Variants in QTGAL observed in about 807,000 individuals in gnomAD.
QTGAL encodes the protein queuosine-tRNA galactosyltransferase.
chr17:82,970,595 C>CATGGTGTGGCTGTGA, the QTGAL span, among the ~76,000 whole-genome samples: 1 of 135,748 alleles, frequency 7.4e-6, no homozygotes, highest in African/African-American at 3.4e-5. Flanking sequence ...GACCTCCGCA[C>CATGGTGTGGCTGTGA]CCGGCGTGGC....
At chr17:82,963,471 C>A in the QTGAL span, among the ~76,000 whole-genome samples, 1 of 152,148 alleles carries the variant, frequency 6.6e-6, no homozygotes, top group African/African-American at 2.4e-5. Context: ...AAACTGGCAA[C>A]ACTTCCATGG....
At chr17:82,962,369 T>G in the QTGAL span, among the ~76,000 whole-genome samples, 1 of 152,234 alleles carries the variant, frequency 6.6e-6, no homozygotes, top group Non-Finnish European at 1.5e-5. Flanking sequence ...CTCAAAATCA[T>G]GTGTCAGCCC....
the QTGAL span, among the ~76,000 whole-genome samples, chr17:82,973,179 G>T: frequency 1.3e-5 from 2 of 151,764 alleles, no homozygotes; most frequent in Non-Finnish European, 2.9e-5. Flanking sequence ...GAGACCAAAG[G>T]AACCGAAAGG....
chr17:83,049,412 G>GTT, the QTGAL span, among the ~76,000 whole-genome samples: 65 of 136,812 alleles, frequency 4.8e-4, 1 homozygote, highest in East Asian at 2.6e-3. Flanking sequence ...TAACTGGTTG[G>GTT]TTTTTTTTTT....
At chr17:83,019,436 T>A in the QTGAL span, among the ~76,000 whole-genome samples, 3,919 of 152,316 alleles carry the variant, frequency 0.026, 175 homozygotes, top group African/African-American at 0.089. Flanking sequence ...ATATAAGACA[T>A]GAGCAAGTCA....
the QTGAL span, chr17:83,006,308 T>A: frequency 1.0e-6 from 1 of 985,532 alleles, no homozygotes; most frequent in Non-Finnish European, 1.2e-6. This position sits in a 1 kb window ranked among gnomAD's most constrained non-coding sequence, Gnocchi z 5.8. Context: ...AGTGAGTGAT[T>A]CTTTTCTACC....
the QTGAL span, among the ~76,000 whole-genome samples, chr17:83,049,561 G>A: frequency 4.6e-5 from 7 of 151,636 alleles, no homozygotes; most frequent in African/African-American, 1.7e-4. Context: ...TACAGGTGCT[G>A]GCTGGTCATG....
the QTGAL span, among the ~76,000 whole-genome samples, chr17:83,012,848 T>C: frequency 6.6e-6 from 1 of 151,980 alleles, no homozygotes; most frequent in Admixed American, 6.6e-5. Flanking sequence ...ACTCTCTGTT[T>C]CCACATGACT....
chr17:83,008,688 A>G, the QTGAL span, among the ~76,000 whole-genome samples: 1 of 152,158 alleles, frequency 6.6e-6, no homozygotes, highest in African/African-American at 2.4e-5. Flanking sequence ...TCTCCTGGAC[A>G]CTTGTTCTTG....
At chr17:83,045,902 CGAT>C in the QTGAL span, among the ~76,000 whole-genome samples, 1 of 143,376 alleles carries the variant, frequency 7.0e-6, no homozygotes, top group African/African-American at 3.0e-5. Context: ...GCAGAGATCG[CGAT>C]CTCTGCCTCC....
the QTGAL span, among the ~76,000 whole-genome samples, chr17:83,017,040 T>C: frequency 2.0e-5 from 3 of 152,136 alleles, no homozygotes; most frequent in South Asian, 6.2e-4. Context: ...TTCTATGGAG[T>C]TGGCCCTCAA....
chr17:82,980,809 C>T, the QTGAL span, among the ~76,000 whole-genome samples: 1,373 of 152,218 alleles, frequency 9.0e-3, 22 homozygotes, highest in African/African-American at 0.031. Context: ...GGTGTGGTTG[C>T]GTAGCTCGTG....
At chr17:82,989,276 A>G in the QTGAL span, among the ~76,000 whole-genome samples, 1 of 152,100 alleles carries the variant, frequency 6.6e-6, no homozygotes, top group East Asian at 1.9e-4. Flanking sequence ...GTTCTCACTC[A>G]TAAGTGGGAG....
At chr17:82,953,856 A>G in the QTGAL span, among the ~76,000 whole-genome samples, 1 of 152,256 alleles carries the variant, frequency 6.6e-6, no homozygotes, top group Non-Finnish European at 1.5e-5. Context: ...TACGCAAATC[A>G]ATAAACATAA....
the QTGAL span, chr17:83,006,954 A>G: frequency 8.2e-6 from 4 of 485,176 alleles, no homozygotes; most frequent in African/African-American, 6.3e-5. The surrounding 1 kb of genome is among the most constrained non-coding windows in gnomAD (Gnocchi z 5.8). Context: ...TCAGTGATGC[A>G]TGAGGATCCA....
At chr17:82,979,556 T>C in the QTGAL span, among the ~76,000 whole-genome samples, 689 of 152,294 alleles carry the variant, frequency 4.5e-3, 4 homozygotes, top group Non-Finnish European at 6.0e-3. Context: ...GGTATAAATC[T>C]AACAAATGTA....
At chr17:83,051,318 G>GCA in the QTGAL span, among the ~76,000 whole-genome samples, 1 of 147,766 alleles carries the variant, frequency 6.8e-6, no homozygotes, top group Non-Finnish European at 1.5e-5. Flanking sequence ...CGAGGCAGGT[G>GCA]TGCGGGCGCG....
the QTGAL span, among the ~76,000 whole-genome samples, chr17:83,020,407 A>G: frequency 2.0e-5 from 3 of 152,248 alleles, no homozygotes; most frequent in African/African-American, 4.8e-5. Flanking sequence ...GAACGGACGA[A>G]TAAGTTGCTT....
chr17:82,947,445 A>AC, the QTGAL span: 1 of 158,326 alleles, frequency 6.3e-6, no homozygotes, highest in Non-Finnish European at 1.4e-5. Context: ...TGTCATCCCC[A>AC]CCCCTGCAAT....
Sources: allele counts gnomAD v4.1 joint callset (sites outside exome capture counted in the v4.1 genomes callset), GRCh38; gene constraint gnomAD v4.1.1; non-coding constraint Gnocchi (gnomAD v3.1); transcripts MANE v1.5; gene names NCBI Gene and HGNC (gene_info 2026-07-23, HGNC 2026-07-21).